Variants in RBFOX1 observed in about 807,000 individuals in gnomAD.
The protein encoded by RBFOX1 is RNA binding protein fox-1 homolog 1.
RBFOX1 carries 8 observed loss-of-function variants against 57.7 expected under a neutral mutation model. The observed-to-expected ratio is 0.14, with a 90% CI of 0.08 to 0.25. The LOEUF is 0.25. Ranked by LOEUF, RBFOX1 falls within the 10% of genes least tolerant of loss-of-function variation. RBFOX1 has a pLI of 1.00. For synonymous variants in RBFOX1, 326 were observed against 222.4 expected (o/e 1.47, Z -4.15); for missense variants, 611 against 548.5 (o/e 1.11, Z -1.14).
At chr16:7,406,935 A>T (rs6500955) in intron 4 of RBFOX1, among the ~76,000 whole-genome samples, 69,737 of 151,974 alleles carry the variant, frequency 0.46, 16,795 homozygotes, top group Non-Finnish European at 0.54. Context: ...TCAGTGTAGC[A>T]TTTTCAAATC....
chr16:6,998,267 G>T (rs1370447361), intron 3 of RBFOX1, among the ~76,000 whole-genome samples: 2 of 152,248 alleles, frequency 1.3e-5, no homozygotes, highest in African/African-American at 4.8e-5. Flanking sequence ...AGCCTATGGG[G>T]TTCTAGAAAC....
At chr16:6,455,771 A>G (rs762526663) in intron 2 of RBFOX1, among the ~76,000 whole-genome samples, 5 of 152,170 alleles carry the variant, frequency 3.3e-5, no homozygotes, top group Admixed American at 6.5e-5. Flanking sequence ...TTATTGTATG[A>G]TTACCTTTAT....
At position 7,421,945 on chromosome 16, in the gene RBFOX1, C is replaced by G. The variant is rs906506275; in HGVS notation, c.28-96202C>G. 6.6e-5 allele frequency among the ~76,000 whole-genome samples: 10 copies of G among 152,142 alleles called. 1 individual carries two copies. The East Asian group carries it at 1.7e-3, about 26-fold the overall frequency. On this transcript the variant is annotated intron_variant, in intron 4 of 15. Transcript: ENST00000550418. Reference sequence around the variant, plus strand: ...TACACACATTATTTTATGTCATGCCCAGTCCCTAAAGCCATATCTGTTCCA... The same window carrying G: ...TACACACATTATTTTATGTCATGCCGAGTCCCTAAAGCCATATCTGTTCCA...
chr16:6,239,738 C>T (rs533406833), intron 1 of RBFOX1, among the ~76,000 whole-genome samples: 1 of 152,198 alleles, frequency 6.6e-6, no homozygotes, highest in African/African-American at 2.4e-5. Context: ...ACCTCATGAT[C>T]CGCCTGCCTT....
At chr16:7,254,954 A>G (rs569464518) in intron 4 of RBFOX1, among the ~76,000 whole-genome samples, 1 of 152,132 alleles carries the variant, frequency 6.6e-6, no homozygotes, top group Non-Finnish European at 1.5e-5. Context: ...TAATGGCTCA[A>G]CCGTTAATAA....
At chr16:5,616,431 C>G (rs1213078122) in intron 3 of RBFOX1, among the ~76,000 whole-genome samples, 2 of 152,188 alleles carry the variant, frequency 1.3e-5, no homozygotes, top group African/African-American at 2.4e-5. Flanking sequence ...AGAGGAGCAT[C>G]TGGCTTGTTA....
At chr16:6,502,460 C>G (rs918228859) in intron 2 of RBFOX1, among the ~76,000 whole-genome samples, 1 of 152,154 alleles carries the variant, frequency 6.6e-6, no homozygotes, top group Non-Finnish European at 1.5e-5. Flanking sequence ...TCTCAGTTTG[C>G]TCATCTGTAA....
At chr16:5,612,308 C>A (rs374658396) in intron 3 of RBFOX1, among the ~76,000 whole-genome samples, 3 of 145,582 alleles carry the variant, frequency 2.1e-5, no homozygotes, top group South Asian at 4.9e-4. Flanking sequence ...CACCCACTTT[C>A]CCATCTACTC....
chr16:6,263,714 CT>C (rs144537132), intron 1 of RBFOX1, among the ~76,000 whole-genome samples: 5,760 of 152,152 alleles, frequency 0.038, 157 homozygotes, highest in Middle Eastern at 0.13. Context: ...GAGGAATTTT[CT>C]TTTTGTTTGT....
intron 2 of RBFOX1, among the ~76,000 whole-genome samples, chr16:6,619,897 C>A (rs2098202101): frequency 6.6e-6 from 1 of 152,014 alleles, no homozygotes; most frequent in African/African-American, 2.4e-5. Context: ...TTGTGTTGTT[C>A]CCCTCTGTGT....
At chr16:5,552,183 G>A (rs116719694) in intron 2 of RBFOX1, among the ~76,000 whole-genome samples, 1 of 152,188 alleles carries the variant, frequency 6.6e-6, no homozygotes, top group Non-Finnish European at 1.5e-5. Flanking sequence ...AAGGAGTGCA[G>A]CTTCTCTGAG....
At chr16:7,241,076 G>T (rs572264273) in intron 4 of RBFOX1, among the ~76,000 whole-genome samples, 2 of 152,078 alleles carry the variant, frequency 1.3e-5, no homozygotes, top group African/African-American at 4.8e-5. Context: ...TTTATTTAGC[G>T]CAGTTTTTAG....
At chr16:6,624,903 C>T (rs1429566095) in intron 2 of RBFOX1, among the ~76,000 whole-genome samples, 1 of 152,128 alleles carries the variant, frequency 6.6e-6, no homozygotes, top group African/African-American at 2.4e-5. Context: ...TTGCTCACGC[C>T]TGTAATCCCA....
At chr16:5,445,397 C>T (rs966303053) in intron 1 of RBFOX1, among the ~76,000 whole-genome samples, 2 of 152,108 alleles carry the variant, frequency 1.3e-5, no homozygotes, top group Non-Finnish European at 2.9e-5. Context: ...ACTGTGAGCT[C>T]CCTAAGGGTG....
chr16:6,762,762 G>T (rs180931707), intron 3 of RBFOX1, among the ~76,000 whole-genome samples: 1 of 151,208 alleles, frequency 6.6e-6, no homozygotes. Context: ...CTTACCCCAA[G>T]GGGATAGGGG....
At chr16:7,415,865 C>G (rs977652222) in intron 4 of RBFOX1, among the ~76,000 whole-genome samples, 4 of 152,162 alleles carry the variant, frequency 2.6e-5, no homozygotes, top group African/African-American at 9.7e-5. Context: ...GAAGATGGAA[C>G]TGTCCTTTTT....
chr16:6,993,976 G>A (rs1176002582), intron 3 of RBFOX1, among the ~76,000 whole-genome samples: 1 of 152,120 alleles, frequency 6.6e-6, no homozygotes, highest in African/African-American at 2.4e-5. Context: ...AGGGAAGAGG[G>A]GTGGAGGTGG....
At chr16:5,332,518 C>T (rs749976934) in intron 1 of RBFOX1, among the ~76,000 whole-genome samples, 11 of 152,052 alleles carry the variant, frequency 7.2e-5, no homozygotes, top group Non-Finnish European at 1.2e-4. Context: ...CCTACCTCGG[C>T]GTCCCAAAGT....
intron 1 of RBFOX1, among the ~76,000 whole-genome samples, chr16:5,331,190 T>A (rs566132458): frequency 6.6e-6 from 1 of 152,274 alleles, no homozygotes; most frequent in Admixed American, 6.5e-5. Flanking sequence ...AATTGGACAT[T>A]GGTTATTTAA....
Sources: gnomAD v4.1 joint callset for allele counts (sites outside exome capture counted in the v4.1 genomes callset) on GRCh38, gnomAD v4.1.1 for gene constraint, MANE v1.5 for transcripts, NCBI Gene and HGNC (gene_info 2026-07-23, HGNC 2026-07-21) for gene names.